EPB41L2: variants seen among roughly 807,000 people sequenced by gnomAD.
EPB41L2 encodes the protein erythrocyte membrane protein band 4.1 like 2.
In EPB41L2, 43 loss-of-function variants were observed where a neutral mutation model predicts 113.0. That is an observed-to-expected ratio of 0.38 (90% CI 0.30 to 0.49). The LOEUF is 0.49. Among genes scored for constraint, EPB41L2 ranks in the 20% least tolerant of loss-of-function variants. The pLI is 0.95. For synonymous variants in EPB41L2, 442 were observed against 436.7 expected (o/e 1.01, Z -0.15); for missense variants, 1,147 against 1,223.4 (o/e 0.94, Z 0.93).
Position 130,880,376 on chromosome 6 carries a change from G to A in EPB41L2, c.1834-170C>T, listed in dbSNP as rs1788913946. 4.8e-6 allele frequency: 3 copies of A among 618,844 alleles called. No homozygotes were observed. The South Asian group carries it at 5.9e-5, about 12-fold the overall frequency. 38.3% of individuals were successfully genotyped at this position (618,844 alleles called of 1,614,324 possible). On this transcript the variant is annotated intron_variant, in intron 12 of 19. Coordinates refer to ENST00000337057, the MANE Select transcript of EPB41L2 (RefSeq NM_001431.4). ...CAAACACAACTCACAAATAAACCCTGAGAGTGGACCCTCCCCACACAATAC... is the reference window on the plus strand; with the variant it reads ...CAAACACAACTCACAAATAAACCCTAAGAGTGGACCCTCCCCACACAATAC...
intron 1 of EPB41L2, among the ~76,000 whole-genome samples, chr6:131,017,242 C>T (rs779397399): frequency 1.9e-4 from 29 of 152,148 alleles, no homozygotes; most frequent in Non-Finnish European, 1.9e-4. Flanking sequence ...CATTATACCA[C>T]TGGACTAGGA....
chr6:130,933,555 T>C (rs539566054), intron 3 of EPB41L2, among the ~76,000 whole-genome samples: 64 of 68,228 alleles, frequency 9.4e-4, no homozygotes, highest in African/African-American at 4.2e-3. Flanking sequence ...TTAGTTTTTT[T>C]AAAAACCTAT....
intron 1 of EPB41L2, among the ~76,000 whole-genome samples, chr6:130,972,040 A>G (rs959578989): frequency 6.6e-6 from 1 of 152,136 alleles, no homozygotes; most frequent in Non-Finnish European, 1.5e-5. Context: ...ATGACTAAAA[A>G]TGGCCAGGTC....
intron 3 of EPB41L2, among the ~76,000 whole-genome samples, chr6:130,927,383 C>A (rs983686890): frequency 2.0e-5 from 3 of 151,996 alleles, no homozygotes; most frequent in Admixed American, 6.6e-5. Flanking sequence ...GATGTAAGAG[C>A]CTTTGACAGC....
chr6:130,894,273 G>T, intron 10 of EPB41L2, 71 bp downstream of exon 10: 1 of 1,247,110 alleles, frequency 8.0e-7, no homozygotes, highest in Non-Finnish European at 1.2e-6. Flanking sequence ...TCCCACCTCT[G>T]CCTCCTGAGT....
At chr6:130,969,396 G>A (rs1776200761) in intron 1 of EPB41L2, among the ~76,000 whole-genome samples, 1 of 152,158 alleles carries the variant, frequency 6.6e-6, no homozygotes, top group Admixed American at 6.5e-5. Flanking sequence ...TCGCAATGAA[G>A]CAAGGATCTT....
chr6:130,917,123 A>G (rs1241563837), intron 4 of EPB41L2, among the ~76,000 whole-genome samples: 1 of 152,218 alleles, frequency 6.6e-6, no homozygotes, highest in Admixed American at 6.5e-5. Context: ...TTCACCTGAG[A>G]AGAGATATGC....
intron 1 of EPB41L2, among the ~76,000 whole-genome samples, chr6:131,059,265 C>T (rs1402173267): frequency 6.6e-6 from 1 of 152,076 alleles, no homozygotes; most frequent in African/African-American, 2.4e-5. Flanking sequence ...CAGATGCCTG[C>T]CACCACGCCT....
At chr6:131,036,747 T>C (rs949467214) in intron 1 of EPB41L2, among the ~76,000 whole-genome samples, 6 of 152,182 alleles carry the variant, frequency 3.9e-5, no homozygotes, top group Non-Finnish European at 8.8e-5. Context: ...CAAATGTTTC[T>C]ATTGTACAAG....
intron 1 of EPB41L2, among the ~76,000 whole-genome samples, chr6:131,012,949 C>T (rs570914405): frequency 6.6e-6 from 1 of 152,296 alleles, no homozygotes; most frequent in Admixed American, 6.5e-5. Context: ...GTAATAGTAA[C>T]TATTTTGTAT....
chr6:131,029,706 A>G (rs1333267121), intron 1 of EPB41L2, among the ~76,000 whole-genome samples: 1 of 152,188 alleles, frequency 6.6e-6, no homozygotes, highest in East Asian at 1.9e-4. Context: ...GGAAAAACTT[A>G]GAGATGCCTG....
chr6:130,890,184 C>T (rs371877257), intron 11 of EPB41L2, 110 bp downstream of exon 11: 10 of 1,108,832 alleles, frequency 9.0e-6, no homozygotes, highest in Middle Eastern at 3.1e-4. Flanking sequence ...GAAAAAATGG[C>T]TATCCCTGTA....
intron 1 of EPB41L2, among the ~76,000 whole-genome samples, chr6:130,999,813 G>C (rs1783976572): frequency 6.6e-6 from 1 of 152,170 alleles, no homozygotes; most frequent in South Asian, 2.1e-4. Flanking sequence ...GCAGATATTA[G>C]AGAATCAAAG....
chr6:130,956,323 T>G lies in EPB41L2; in HGVS notation c.163A>C (p.Ser55Arg). ...TTCTGGCGGCGTAGACTACTTTGGC[T>G]TTCAGCTGCAGGAGGTGGCTGGGAA... ...KGSQPPPAAE[S>R]QSSLRRQKRE... Residue 55 changes from serine to arginine, a missense_variant, in exon 2 of 20, where the codon AGC becomes CGC. Ser to Arg is a moderately radical substitution (Grantham distance 110, BLOSUM62 -1). Transcript: ENST00000337057. The G allele has an allele frequency of 6.2e-7, 1 of 1,614,184 alleles. No homozygotes were observed. Among genetic ancestry groups the G allele is most frequent in the Non-Finnish European group, 8.5e-7 (1 of 1,180,026 alleles).
At chr6:130,849,381 T>A (rs771329312) in intron 19 of EPB41L2, among the ~76,000 whole-genome samples, 6 of 152,222 alleles carry the variant, frequency 3.9e-5, no homozygotes, top group Admixed American at 6.5e-5. Context: ...GTCAGTTCTG[T>A]CTTGCCCCTC....
At chr6:131,011,552 T>C (rs1786977432) in intron 1 of EPB41L2, among the ~76,000 whole-genome samples, 1 of 152,260 alleles carries the variant, frequency 6.6e-6, no homozygotes, top group African/African-American at 2.4e-5. Context: ...AGACATGTAC[T>C]TCAAACTTAT....
intron 5 of EPB41L2, 63 bp downstream of exon 5, chr6:130,908,758 A>T: frequency 7.7e-7 from 1 of 1,298,802 alleles, no homozygotes; most frequent in Non-Finnish European, 1.1e-6. Flanking sequence ...ATTACTGATC[A>T]TTTATATCAC....
chr6:131,006,290 C>T (rs937239993), intron 1 of EPB41L2, among the ~76,000 whole-genome samples: 2 of 151,490 alleles, frequency 1.3e-5, no homozygotes, highest in South Asian at 4.2e-4. Flanking sequence ...CTCCTGACCT[C>T]AAATGATCTG....
intron 4 of EPB41L2, among the ~76,000 whole-genome samples, chr6:130,919,042 T>C: frequency 6.6e-6 from 1 of 152,282 alleles, no homozygotes; most frequent in East Asian, 1.9e-4. Context: ...TTACACAACA[T>C]AAAAGTTATA....
Sources: gnomAD v4.1 joint callset for allele counts (sites outside exome capture counted in the v4.1 genomes callset) on GRCh38, gnomAD v4.1.1 for gene constraint, MANE v1.5 for transcripts, NCBI Gene and HGNC (gene_info 2026-07-23, HGNC 2026-07-21) for gene names.